IBTK: variants seen among roughly 807,000 people sequenced by gnomAD.
IBTK encodes the protein BTK-binding protein.
A neutral mutation model predicts 154.9 loss-of-function variants in IBTK; 83 were observed. That is an observed-to-expected ratio of 0.54 (90% CI 0.45 to 0.64). The LOEUF (loss-of-function observed/expected upper bound fraction) is 0.64. IBTK is among the 30% of genes least tolerant of loss of function. IBTK has a pLI of 0.00. For synonymous variants in IBTK, 515 were observed against 536.1 expected (o/e 0.96, Z 0.54); for missense variants, 1,332 against 1,584.6 (o/e 0.84, Z 2.71).
intron 25 of IBTK, among the ~76,000 whole-genome samples, chr6:82,189,411 G>A (rs896393419): frequency 5.3e-5 from 8 of 152,106 alleles, no homozygotes; most frequent in Non-Finnish European, 1.0e-4. Context: ...CCATCTATCA[G>A]TCAAGAAGAA....
chr6:82,237,275 G>A (rs1419695120), intron 2 of IBTK, among the ~76,000 whole-genome samples: 1 of 151,504 alleles, frequency 6.6e-6, no homozygotes, highest in Non-Finnish European at 1.5e-5. Context: ...AGGTTTTACA[G>A]ATGGAAAAGG....
chr6:82,235,625 G>C (rs1166368769), intron 2 of IBTK, among the ~76,000 whole-genome samples: 1 of 151,988 alleles, frequency 6.6e-6, no homozygotes, highest in East Asian at 1.9e-4. Flanking sequence ...TCTGGAGAAG[G>C]AGAGACATAA....
intron 21 of IBTK, among the ~76,000 whole-genome samples, chr6:82,197,373 A>T (rs1429919081): frequency 4.3e-5 from 6 of 138,402 alleles, no homozygotes; most frequent in Admixed American, 2.2e-4. Context: ...ATCTTTTTGA[A>T]TTTTTTTTTT....
At chr6:82,213,865 G>C (rs1769752571) in intron 12 of IBTK, among the ~76,000 whole-genome samples, 1 of 152,140 alleles carries the variant, frequency 6.6e-6, no homozygotes, top group Admixed American at 6.5e-5. Context: ...GAGAGAGGAA[G>C]AGGAGGGGAA....
intron 21 of IBTK, among the ~76,000 whole-genome samples, chr6:82,197,803 T>C (rs559548647): frequency 9.8e-4 from 150 of 152,292 alleles, no homozygotes; most frequent in Non-Finnish European, 1.8e-3. Flanking sequence ...CAATTACTTC[T>C]GGTCAAAAAC....
intron 1 of IBTK, among the ~76,000 whole-genome samples, chr6:82,244,657 T>C (rs1191577906): frequency 1.3e-5 from 2 of 152,194 alleles, no homozygotes; most frequent in Non-Finnish European, 2.9e-5. Context: ...TGCTCACATA[T>C]TTGCCCTAAA....
chr6:82,229,014 A>G (rs954790406), intron 4 of IBTK, among the ~76,000 whole-genome samples: 4 of 152,182 alleles, frequency 2.6e-5, no homozygotes, highest in Admixed American at 1.3e-4. Flanking sequence ...TCTCTGTCTC[A>G]TGGTAGTTAA....
At chr6:82,191,346 GT>G in intron 24 of IBTK, 130 bp from the exon 25 acceptor site, 1 of 718,472 alleles carries the variant, frequency 1.4e-6, no homozygotes, top group Non-Finnish European at 2.2e-6. Context: ...TAATAATAAT[GT>G]TTTCTATTTA....
At chr6:82,218,319 AAT>A in intron 9 of IBTK, among the ~76,000 whole-genome samples, 182 bp from the exon 10 acceptor site, 1 of 152,324 alleles carries the variant, frequency 6.6e-6, no homozygotes, top group Non-Finnish European at 1.5e-5. Context: ...ATTTTAAAGA[AAT>A]ATCTTTCAGA....
At position 82,200,151 on chromosome 6, in the gene IBTK, T is replaced by C. The variant is rs1381023985; in HGVS notation, c.3015A>G (p.Pro1005=). The C allele has an allele frequency of 1.3e-6, 2 of 1,597,714 alleles. No homozygotes were observed. Among genetic ancestry groups the C allele is most frequent in the African/African-American group, 2.7e-5 (2 of 74,384 alleles). The change falls in exon 21 of 29, where the codon CCA becomes CCG. Residue 1005 remains proline (P), a synonymous_variant. Coordinates refer to ENST00000306270, the MANE Select transcript of IBTK (RefSeq NM_015525.4). The part of the protein sequence containing the change: ...GYNLSDIIQS[P]SSTGLLKSGK... ...TCACTTTCCACGAACCTGTAGATGA[T>C]GGACTCTGAATAATATCTGAAAGGT... is the stretch of plus-strand genomic sequence containing the variant.
At chr6:82,209,520 T>C (rs1436520670) in intron 16 of IBTK, among the ~76,000 whole-genome samples, 4 of 152,148 alleles carry the variant, frequency 2.6e-5, no homozygotes, top group African/African-American at 9.7e-5. Context: ...GGCAAATCCA[T>C]AGAGACAGAA....
intron 2 of IBTK, among the ~76,000 whole-genome samples, chr6:82,236,183 T>C (rs1770707683): frequency 6.6e-6 from 1 of 152,168 alleles, no homozygotes; most frequent in Non-Finnish European, 1.5e-5. Context: ...CATTGTTCAT[T>C]AATTTAATTG....
chr6:82,242,000 C>A (rs1178483241), intron 1 of IBTK, among the ~76,000 whole-genome samples: 6 of 152,232 alleles, frequency 3.9e-5, no homozygotes, highest in South Asian at 4.1e-4. Flanking sequence ...ACTTTGATTT[C>A]TCCACCTGGA....
In IBTK at chr6:82,216,070, G is replaced by T; in HGVS notation, c.1601+6C>A. 6.3e-7 allele frequency: 1 copy of T among 1,596,470 alleles called. No individual in the cohort carries two copies. The highest frequency in any genetic ancestry group is 8.5e-7 in the Non-Finnish European group (1 of 1,170,952). ...AAAAAATGAAATTTAATATATACAA[G>T]TATACCTTGTTTTAGGATCTGACTG... On this transcript the variant is annotated splice_donor_region_variant and intron_variant, in intron 11 of 28. Transcript: ENST00000306270.
rs1554181580 is a variant in IBTK at position 82,173,684 on chromosome 6, T to TATATATATAC, written c.3726-247_3726-246insGTATATATAT. The TATATATATAC allele has an allele frequency of 7.2e-5, 16 of 220,764 alleles. 1 individual carries two copies. The highest frequency in any genetic ancestry group is 1.7e-4 in the African/African-American group (7 of 41,348). The allele number at this position is 220,764 out of a possible 1,614,324, so 13.7% of individuals were successfully genotyped here. A position where few individuals can be genotyped will look rare whatever the true frequency, so the allele number is the denominator to read the frequency against. On this transcript the variant is annotated intron_variant, in intron 26 of 28. Coordinates refer to ENST00000306270, the MANE Select transcript of IBTK (RefSeq NM_015525.4). ...CTATTTCTAATAATAAATATATATA[T>TATATATATAC]ACACACACCAGATAAACCAATAATC...
Position 82,240,395 on chromosome 6 carries a change from T to G in IBTK, c.92A>C (p.Asn31Thr), listed in dbSNP as rs374546227. ...VLSVVTKGSE[N>T]QIKAFLSSHC... is the part of the protein sequence containing the mutation. ...ACTGGAGAGAAAGGCCTTAATCTGG[T>G]TTTCGCTCCCCTTTGTTACCACAGA... The change falls in exon 2 of 29, where the codon AAC becomes ACC. Residue 31 changes from asparagine (N) to threonine (T), a missense_variant. Asn to Thr is a moderately conservative substitution (Grantham distance 65). Transcript: ENST00000306270. The G allele has an allele frequency of 6.2e-7, 1 of 1,614,164 alleles. No individual in the cohort carries two copies. Among genetic ancestry groups the G allele is most frequent in the Non-Finnish European group, 8.5e-7 (1 of 1,180,026 alleles).
Position 82,214,183 on chromosome 6 carries a change from G to A in IBTK, c.2204+44C>T, listed in dbSNP as rs369961652. The A allele has an allele frequency of 3.5e-4, 541 of 1,526,690 alleles. 2 individuals are homozygous for A. The African/African-American group carries it at 6.6e-3, about 19-fold the overall frequency. 94.6% of individuals were successfully genotyped at this position (1,526,690 alleles called of 1,614,324 possible). On this transcript the variant is annotated intron_variant, in intron 12 of 28. Transcript: ENST00000306270. The stretch of plus-strand genomic sequence containing the variant: ...TAAGGGTGGGAAATTTTTTAAAGGA[G>A]GACTGAATGAGGTACAGGAACAGAT...
chr6:82,246,944 A>C (rs1192935247), intron 1 of IBTK, among the ~76,000 whole-genome samples: 1 of 151,832 alleles, frequency 6.6e-6, no homozygotes, highest in Non-Finnish European at 1.5e-5. Context: ...ACTACGTTGG[A>C]AAACAGGAGT....
At position 82,191,815 on chromosome 6, in the gene IBTK, A is replaced by G. The variant is rs1298751395; in HGVS notation, c.3403T>C (p.Cys1135Arg). Residue 1135 changes from cysteine (C) to arginine (R), a missense_variant, in exon 24 of 29, where the codon TGT (cysteine) becomes CGT (arginine). Physicochemically the swap from Cys to Arg is radical, Grantham distance 180. Around this residue, in one of 3 missense-constraint regions of IBTK, gnomAD observed 1,134 missense variants for 1,274.7 expected, o/e 0.89. Transcript: ENST00000306270. ...IMEIEESRQK[C>R]GATPKSHLGK... ...AAATGTGACTTTGGTGTAGCTCCAC[A>G]TTTTTGTCTACTTTCTTCTATTTCC... 6.2e-7 allele frequency: 1 copy of G among 1,609,982 alleles called. No homozygotes were observed. Among genetic ancestry groups the G allele is most frequent in the Non-Finnish European group, 8.5e-7 (1 of 1,176,596 alleles).
Sources: allele counts gnomAD v4.1 joint callset (sites outside exome capture counted in the v4.1 genomes callset), GRCh38; gene constraint gnomAD v4.1.1; regional missense constraint gnomAD v4.1.1; transcripts MANE v1.5; gene names NCBI Gene and HGNC (gene_info 2026-07-23, HGNC 2026-07-21).